The following PDE10A variants were observed in gnomAD, a reference collection of about 807,000 sequenced individuals.
PDE10A encodes the protein phosphodiesterase 10A, also known as cAMP and cAMP-inhibited cGMP 3',5'-cyclic phosphodiesterase 10A.
Under a neutral mutation model 97.7 loss-of-function variants are expected in PDE10A, and 39 were observed. That is an observed-to-expected ratio of 0.40 (90% CI 0.31 to 0.52). The LOEUF (loss-of-function observed/expected upper bound fraction) is 0.52, where lower values mean the gene tolerates loss of function less well. PDE10A is among the 20% of genes least tolerant of loss of function. The pLI, the probability that PDE10A is intolerant of heterozygous loss-of-function variation, is 0.56. For synonymous variants in PDE10A, 371 were observed against 376.8 expected (o/e 0.98, Z 0.18); for missense variants, 731 against 1,047.8 (o/e 0.70, Z 4.17).
At chr6:165,570,736 C>T (rs549515097) in intron 1 of PDE10A, among the ~76,000 whole-genome samples, 16 of 152,286 alleles carry the variant, frequency 1.1e-4, no homozygotes, top group African/African-American at 3.6e-4. Flanking sequence ...GTAGAAACTA[C>T]GTCTTAATCA....
intron 1 of PDE10A, among the ~76,000 whole-genome samples, chr6:165,621,049 G>T (rs113387947): frequency 1.3e-5 from 2 of 150,142 alleles, no homozygotes; most frequent in Admixed American, 6.6e-5. Flanking sequence ...GAAAGAAAAA[G>T]GGTAGAGAAA....
chr6:165,571,194 G>A (rs907775147), intron 1 of PDE10A, among the ~76,000 whole-genome samples: 4 of 152,284 alleles, frequency 2.6e-5, no homozygotes, highest in South Asian at 4.1e-4. Flanking sequence ...GAATCCGCCA[G>A]CTGTTTGCTA....
At chr6:165,337,002 C>T (rs1437986628) in intron 20 of PDE10A, among the ~76,000 whole-genome samples, 1 of 151,898 alleles carries the variant, frequency 6.6e-6, no homozygotes, top group Non-Finnish European at 1.5e-5. Context: ...GGCTTTGGTG[C>T]CTTGTGTGGT....
At chr6:165,654,565 C>G (rs768367966) in intron 1 of PDE10A, among the ~76,000 whole-genome samples, 3 of 145,814 alleles carry the variant, frequency 2.1e-5, no homozygotes, top group Non-Finnish European at 4.4e-5. Flanking sequence ...CCACATTCTA[C>G]TCGCCCTGTC....
chr6:165,525,449 C>T (rs1026490504), intron 2 of PDE10A, among the ~76,000 whole-genome samples: 1 of 152,064 alleles, frequency 6.6e-6, no homozygotes, highest in Non-Finnish European at 1.5e-5. Flanking sequence ...CCTGATCTCC[C>T]TTGGGTTAAC....
chr6:165,958,971 T>G (rs977803438), intron 1 of PDE10A, among the ~76,000 whole-genome samples: 1 of 152,168 alleles, frequency 6.6e-6, no homozygotes, highest in East Asian at 1.9e-4. Context: ...CCATAGTGCT[T>G]GAGGGCCAGC....
chr6:165,886,314 T>G (rs1190995721), intron 1 of PDE10A, among the ~76,000 whole-genome samples: 1 of 149,442 alleles, frequency 6.7e-6, no homozygotes, highest in Non-Finnish European at 1.5e-5. Context: ...CCTGGACCCC[T>G]GGAATACTGG....
chr6:165,655,370 C>T lies in PDE10A; in HGVS notation c.865+6577G>A, dbSNP rs982007896. ...ACCAAACGCCACGCCTGATTCCTTG[C>T]GCACCCCACGTGCTCCTCCTCCAGG... On this transcript the variant is annotated intron_variant, in intron 1 of 21. Transcript: ENST00000539869. This position sits in a 1 kb window ranked among gnomAD's most constrained non-coding sequence, Gnocchi z 4.5. Among the ~76,000 whole-genome samples, 12 of 152,124 alleles carry T rather than the reference C, an allele frequency of 7.9e-5. No individual in the cohort carries two copies. The highest frequency in any genetic ancestry group is 1.9e-4 in the East Asian group (1 of 5,180).
intron 2 of PDE10A, 74 bp downstream of exon 2, chr6:165,543,366 A>C: frequency 7.8e-7 from 1 of 1,286,184 alleles, no homozygotes; most frequent in Non-Finnish European, 1.1e-6. Context: ...ACACTCTAGA[A>C]TATATTAAAT....
At chr6:165,902,230 ACTC>A (rs1165272834) in intron 1 of PDE10A, among the ~76,000 whole-genome samples, 1 of 152,074 alleles carries the variant, frequency 6.6e-6, no homozygotes, top group Non-Finnish European at 1.5e-5. Context: ...CTGCACGTCC[ACTC>A]CTCTGGCCAC....
At chr6:165,543,780 C>G (rs1783591227) in intron 1 of PDE10A, among the ~76,000 whole-genome samples, 1 of 152,112 alleles carries the variant, frequency 6.6e-6, no homozygotes, top group African/African-American at 2.4e-5. Context: ...CAGGTGAATA[C>G]TGCCCAACAT....
chr6:165,713,218 G>A (rs1582978546), intron 1 of PDE10A, among the ~76,000 whole-genome samples: 1 of 152,180 alleles, frequency 6.6e-6, no homozygotes, highest in South Asian at 2.1e-4. Context: ...AGACTCTGGG[G>A]AATCCCTCCC....
At chr6:165,914,286 T>C (rs2128486950) in intron 1 of PDE10A, among the ~76,000 whole-genome samples, 1 of 152,314 alleles carries the variant, frequency 6.6e-6, no homozygotes, top group African/African-American at 2.4e-5. Context: ...AGACGGACAT[T>C]TCCTCCTGGG....
intron 1 of PDE10A, among the ~76,000 whole-genome samples, chr6:165,618,979 C>A (rs796374914): frequency 8.5e-6 from 1 of 117,618 alleles, no homozygotes; most frequent in Admixed American, 7.9e-5. Flanking sequence ...GTAGTGTAGT[C>A]TAGTGTAGTG....
chr6:165,502,428 T>A (rs943051532), intron 2 of PDE10A, among the ~76,000 whole-genome samples: 2 of 152,140 alleles, frequency 1.3e-5, no homozygotes, highest in Non-Finnish European at 2.9e-5. Flanking sequence ...GGATGAATAC[T>A]CAAATATACA....
intron 1 of PDE10A, among the ~76,000 whole-genome samples, chr6:165,765,521 G>T (rs1777815729): frequency 6.6e-6 from 1 of 152,396 alleles, no homozygotes; most frequent in Admixed American, 6.5e-5. Context: ...CGCAGCCGCT[G>T]GCCCGGGTGC....
At chr6:165,608,803 T>C (rs1282617815) in intron 1 of PDE10A, among the ~76,000 whole-genome samples, 1 of 152,224 alleles carries the variant, frequency 6.6e-6, no homozygotes, top group Non-Finnish European at 1.5e-5. Flanking sequence ...TGATTGCCAT[T>C]CTAACTGGTG....
chr6:165,546,802 C>G (rs549901749), intron 1 of PDE10A, among the ~76,000 whole-genome samples: 1 of 152,152 alleles, frequency 6.6e-6, no homozygotes, highest in African/African-American at 2.4e-5. Context: ...TTGGAGATAT[C>G]AGTGAACTCA....
intron 1 of PDE10A, among the ~76,000 whole-genome samples, chr6:165,824,368 A>G (rs1779664743): frequency 2.0e-5 from 3 of 152,382 alleles, no homozygotes; most frequent in Admixed American, 2.0e-4. Flanking sequence ...GAAATTTTCA[A>G]TGAGTTTCTG....
Sources: gnomAD v4.1 joint callset for allele counts (sites outside exome capture counted in the v4.1 genomes callset) on GRCh38, gnomAD v4.1.1 for gene constraint, Gnocchi (gnomAD v3.1) non-coding constraint, MANE v1.5 for transcripts, NCBI Gene and HGNC (gene_info 2026-07-23, HGNC 2026-07-21) for gene names.